CHODL: variants seen among roughly 807,000 people sequenced by gnomAD.
CHODL encodes transmembrane protein MT75.
In CHODL, 29 loss-of-function variants were observed where a neutral mutation model predicts 34.5. The ratio of observed to expected loss-of-function variants is 0.84; its 90% CI spans 0.63 to 1.15. The LOEUF (loss-of-function observed/expected upper bound fraction) is 1.15. CHODL is among the 50% of genes most tolerant of loss of function. The pLI is 0.00. For missense variants in CHODL, 332 were observed against 332.5 expected, an observed-to-expected ratio of 1.00 and a Z score of 0.01; for synonymous variants, 125 against 116.1, an observed-to-expected ratio of 1.08 and a Z score of -0.49.
intron 1 of CHODL, among the ~76,000 whole-genome samples, chr21:17,917,696 C>T (rs145436195): frequency 1.3e-5 from 2 of 152,158 alleles, no homozygotes; most frequent in Admixed American, 6.5e-5. Flanking sequence ...CCAAACCCAA[C>T]AGAAGCCAGA....
intron 1 of CHODL, among the ~76,000 whole-genome samples, chr21:17,961,284 A>G (rs1198680157): frequency 6.6e-6 from 1 of 152,170 alleles, no homozygotes; most frequent in East Asian, 1.9e-4. Context: ...AATTGTCCAT[A>G]TGCATATCAG....
At chr21:18,124,590 T>G (rs2065519495) in intron 2 of CHODL, among the ~76,000 whole-genome samples, 1 of 152,190 alleles carries the variant, frequency 6.6e-6, no homozygotes, top group South Asian at 2.1e-4. Context: ...AGGTTAAAAT[T>G]TTAAGATTTA....
In CHODL at chr21:18,118,906, C is replaced by A. The variant is rs571855046; in HGVS notation, c.-45+90935C>A. Among the ~76,000 whole-genome samples, 7 of 152,290 alleles carry A rather than the reference C, an allele frequency of 4.6e-5. No individual in the cohort carries two copies. In the East Asian group the frequency reaches 1.4e-3, roughly 29 times the overall value. On this transcript the variant is annotated intron_variant, in intron 2 of 6. Transcript: ENST00000400127. ...TTTCACATACATTTTTCACTTCAAA[C>A]TTCTGTCTTCCTTCCATCTCCTAGT...
intron 1 of CHODL, chr21:18,245,892 T>G: frequency 6.5e-7 from 1 of 1,535,350 alleles, no homozygotes; most frequent in Non-Finnish European, 8.7e-7. Flanking sequence ...GCGTTCCAAG[T>G]TGGGGACTTC....
At chr21:18,064,753 ACACACACATGCGCG>A (rs975364902) in intron 2 of CHODL, among the ~76,000 whole-genome samples, 14 of 152,092 alleles carry the variant, frequency 9.2e-5, no homozygotes, top group African/African-American at 2.9e-4. Context: ...CTCTCTCCGC[ACACACACATGCGCG>A]CACACACACG....
intron 2 of CHODL, among the ~76,000 whole-genome samples, chr21:18,207,062 G>A (rs2073720694): frequency 1.3e-5 from 2 of 152,034 alleles, no homozygotes; most frequent in African/African-American, 4.8e-5. Context: ...AGGCCCTGGT[G>A]TGTGATGTTC....
At chr21:18,169,783 T>C (rs2073205604) in intron 2 of CHODL, among the ~76,000 whole-genome samples, 1 of 152,090 alleles carries the variant, frequency 6.6e-6, no homozygotes, top group African/African-American at 2.4e-5. Context: ...TTAGCTGTAT[T>C]CCATAAATTT....
chr21:17,944,674 C>T (rs1473107825), intron 1 of CHODL, among the ~76,000 whole-genome samples: 1 of 152,190 alleles, frequency 6.6e-6, no homozygotes, highest in African/African-American at 2.4e-5. Flanking sequence ...CATCACAATA[C>T]CCAGTAGCTC....
intron 2 of CHODL, among the ~76,000 whole-genome samples, chr21:18,193,865 T>A (rs1362538312): frequency 6.6e-6 from 1 of 152,098 alleles, no homozygotes; most frequent in Non-Finnish European, 1.5e-5. Context: ...TATTCAGACC[T>A]ACCGATAGTG....
At chr21:18,109,616 A>G (rs528029124) in intron 2 of CHODL, among the ~76,000 whole-genome samples, 55 of 152,060 alleles carry the variant, frequency 3.6e-4, no homozygotes, top group African/African-American at 1.2e-3. Flanking sequence ...TCTTTTTTAC[A>G]TGCTTGTTTT....
At chr21:18,085,486 T>C (rs1338910956) in intron 2 of CHODL, among the ~76,000 whole-genome samples, 1 of 152,224 alleles carries the variant, frequency 6.6e-6, no homozygotes, top group African/African-American at 2.4e-5. Context: ...GTTTTTATGA[T>C]GGTGAATAGC....
chr21:18,060,087 C>T (rs1472462353), intron 2 of CHODL, among the ~76,000 whole-genome samples: 2 of 152,082 alleles, frequency 1.3e-5, no homozygotes, highest in Non-Finnish European at 2.9e-5. Flanking sequence ...GTGGAAGTCC[C>T]CCCACTGATC....
At chr21:18,144,162 A>C (rs182382998) in intron 2 of CHODL, among the ~76,000 whole-genome samples, 3 of 152,234 alleles carry the variant, frequency 2.0e-5, no homozygotes, top group Non-Finnish European at 4.4e-5. Context: ...CATAAAGCTT[A>C]TTTTACTTTA....
chr21:18,195,802 C>T (rs994536239), intron 2 of CHODL, among the ~76,000 whole-genome samples: 8 of 152,130 alleles, frequency 5.3e-5, no homozygotes, highest in African/African-American at 1.9e-4. Flanking sequence ...ACTGTATCCC[C>T]AGCCAGTAAT....
chr21:17,962,676 T>C (rs990843645), intron 1 of CHODL, among the ~76,000 whole-genome samples: 1 of 152,222 alleles, frequency 6.6e-6, no homozygotes, highest in Non-Finnish European at 1.5e-5. Flanking sequence ...AAAGTGATAT[T>C]CTTTTCCCTA....
At chr21:17,924,510 G>A (rs1325991670) in intron 1 of CHODL, among the ~76,000 whole-genome samples, 9 of 152,200 alleles carry the variant, frequency 5.9e-5, no homozygotes, top group Non-Finnish European at 1.2e-4. Context: ...GCCTGACCTA[G>A]CAGGAGAGGA....
At chr21:18,239,925 TAGAAG>T (rs1299942088), upstream of CHODL, among the ~76,000 whole-genome samples, 3 of 151,536 alleles carry the variant, frequency 2.0e-5, no homozygotes, top group African/African-American at 4.8e-5. Context: ...TAGGAAAAAA[TAGAAG>T]AGAAAGAAAG....
intron 1 of CHODL, among the ~76,000 whole-genome samples, chr21:18,009,359 T>C (rs1034551516): frequency 6.6e-6 from 1 of 152,132 alleles, no homozygotes; most frequent in Non-Finnish European, 1.5e-5. Flanking sequence ...AACAAAGAAA[T>C]ACACTTTCTT....
rs753871145 is a variant in CHODL, at chr21:18,177,823, G to A, written c.-44-78686G>A. On this transcript the variant is annotated intron_variant, in intron 2 of 6. Transcript: ENST00000400127. ...TGAGTTTATTCCATTGGTTTAGAGT[G>A]GCACATCACTGGTAAATTATTTATA... Among the ~76,000 whole-genome samples the A allele has an allele frequency of 2.0e-5, 3 of 152,048 alleles. No homozygotes were observed. The South Asian group carries it at 6.2e-4, about 31-fold the overall frequency.
Sources: gnomAD v4.1 joint callset for allele counts (sites outside exome capture counted in the v4.1 genomes callset) on GRCh38, gnomAD v4.1.1 for gene constraint, MANE v1.5 for transcripts, NCBI Gene and HGNC (gene_info 2026-07-23, HGNC 2026-07-21) for gene names.